NELL1: variants seen among roughly 807,000 people sequenced by gnomAD.
NELL1 encodes protein kinase C-binding protein NELL1.
A neutral mutation model predicts 107.4 loss-of-function variants in NELL1; 76 were observed. The ratio of observed to expected loss-of-function variants is 0.71; its 90% CI spans 0.59 to 0.86. The LOEUF (loss-of-function observed/expected upper bound fraction) is 0.86, where lower values mean the gene tolerates loss of function less well. Ranked by LOEUF, NELL1 falls within the 40% of genes least tolerant of loss-of-function variation. The pLI, the probability that NELL1 is intolerant of heterozygous loss-of-function variation, is 0.00. For synonymous variants in NELL1, 353 were observed against 341.2 expected, an observed-to-expected ratio of 1.03 and a Z score of -0.38; for missense variants, 1,024 against 1,005.5, an observed-to-expected ratio of 1.02 and a Z score of -0.25.
At chr11:21,300,964 C>T (rs993894001) in intron 14 of NELL1, among the ~76,000 whole-genome samples, 1 of 152,046 alleles carries the variant, frequency 6.6e-6, no homozygotes, top group Non-Finnish European at 1.5e-5. Context: ...TCTCATTGTT[C>T]AATTCCCACC....
At chr11:21,361,693 TC>T (rs1851079941) in intron 14 of NELL1, among the ~76,000 whole-genome samples, 1 of 152,144 alleles carries the variant, frequency 6.6e-6, no homozygotes, top group Non-Finnish European at 1.5e-5. Context: ...TATTCTTTTT[TC>T]TTTGTCTTTG....
chr11:20,919,326 A>G lies in NELL1; in HGVS notation c.751A>G (p.Thr251Ala), dbSNP rs1472536276. ...TTTACAAGAGCTTTTGGCCAAGATG[A>G]CTGCAAAAGTAGGTATCTAAATTTC... is the stretch of plus-strand genomic sequence containing the variant. ...MDLQELLAKM[T>A]AKLNYAETRL... The change falls in exon 7 of 20, where the codon ACT becomes GCT. Residue 251 changes from threonine to alanine, a missense_variant. Physicochemically the swap from Thr to Ala is moderately conservative, Grantham distance 58. Transcript: ENST00000357134. 1.9e-6 allele frequency: 3 copies of G among 1,584,576 alleles called. No individual in the cohort carries two copies. The African/African-American group carries it at 4.1e-5, about 21-fold the overall frequency.
intron 13 of NELL1, among the ~76,000 whole-genome samples, chr11:21,172,156 G>A (rs1219952075): frequency 6.6e-6 from 1 of 151,822 alleles, no homozygotes; most frequent in Non-Finnish European, 1.5e-5. Flanking sequence ...ACGCCACAGG[G>A]TCATTAACAT....
At chr11:21,531,404 T>C (rs1564944426) in intron 15 of NELL1, among the ~76,000 whole-genome samples, 1 of 152,212 alleles carries the variant, frequency 6.6e-6, no homozygotes, top group Non-Finnish European at 1.5e-5. Context: ...TAGTTCTAGC[T>C]AGTTTTGAAC....
At chr11:21,198,175 T>C (rs923886430) in intron 13 of NELL1, among the ~76,000 whole-genome samples, 1 of 152,204 alleles carries the variant, frequency 6.6e-6, no homozygotes, top group African/African-American at 2.4e-5. Context: ...ACTAGAGCAC[T>C]CCATGTGCCT....
intron 14 of NELL1, among the ~76,000 whole-genome samples, chr11:21,358,643 C>T (rs1036634941): frequency 2.0e-5 from 3 of 146,790 alleles, no homozygotes; most frequent in Admixed American, 7.1e-5. Context: ...TCTTGAACTC[C>T]TGACCTCGGG....
At chr11:20,920,178 T>C (rs1850346859) in intron 7 of NELL1, among the ~76,000 whole-genome samples, 1 of 151,954 alleles carries the variant, frequency 6.6e-6, no homozygotes, top group Admixed American at 6.6e-5. Flanking sequence ...AGTTCCAGCC[T>C]AGGGCGAAGA....
chr11:21,129,324 G>A (rs2133754646), intron 13 of NELL1, among the ~76,000 whole-genome samples: 1 of 152,010 alleles, frequency 6.6e-6, no homozygotes, highest in South Asian at 2.1e-4. Flanking sequence ...TAGCCACCAT[G>A]GAAAATAGTT....
At chr11:21,403,674 A>G (rs762375375) in intron 15 of NELL1, among the ~76,000 whole-genome samples, 2 of 151,862 alleles carry the variant, frequency 1.3e-5, no homozygotes, top group Non-Finnish European at 2.9e-5. Context: ...GCAGTAATAG[A>G]TAATTCTGTA....
intron 13 of NELL1, 64 bp downstream of exon 13, chr11:21,113,778 T>C: frequency 1.3e-6 from 2 of 1,529,008 alleles, no homozygotes; most frequent in South Asian, 1.2e-5. Context: ...GTCTGTGTTA[T>C]TATGTTTAAT....
intron 15 of NELL1, among the ~76,000 whole-genome samples, chr11:21,374,539 C>T (rs11026052): frequency 0.36 from 54,960 of 151,720 alleles, 10,386 homozygotes; most frequent in Admixed American, 0.51. Context: ...ACGTTGGCCA[C>T]GTTCTGTTCC....
chr11:21,312,728 A>G (rs1356728887), intron 14 of NELL1, among the ~76,000 whole-genome samples: 2 of 152,134 alleles, frequency 1.3e-5, no homozygotes, highest in East Asian at 3.9e-4. Flanking sequence ...AACTACACAT[A>G]CCTTTGCATG....
chr11:21,281,550 G>C (rs1199454209), intron 14 of NELL1, among the ~76,000 whole-genome samples: 4 of 152,138 alleles, frequency 2.6e-5, no homozygotes, highest in Non-Finnish European at 5.9e-5. Context: ...CCAGGGCCTT[G>C]AGTGAACTTA....
intron 2 of NELL1, among the ~76,000 whole-genome samples, chr11:20,752,466 T>C (rs1370052325): frequency 6.6e-6 from 1 of 152,174 alleles, no homozygotes; most frequent in African/African-American, 2.4e-5. Context: ...GGAGAATCAC[T>C]TGAACCCAGG....
intron 14 of NELL1, among the ~76,000 whole-genome samples, chr11:21,290,960 C>T (rs1849244942): frequency 6.6e-6 from 1 of 151,876 alleles, no homozygotes; most frequent in Non-Finnish European, 1.5e-5. Context: ...AGCTCCTCTC[C>T]AGTAAGGGAA....
At chr11:21,210,732 G>C (rs1424666687) in intron 13 of NELL1, among the ~76,000 whole-genome samples, 1 of 152,006 alleles carries the variant, frequency 6.6e-6, no homozygotes, top group African/African-American at 2.4e-5. Flanking sequence ...CTGAAGCCTC[G>C]GTATTATTTT....
chr11:21,376,550 A>C (rs1276249411), intron 15 of NELL1, among the ~76,000 whole-genome samples: 1 of 152,008 alleles, frequency 6.6e-6, no homozygotes, highest in East Asian at 1.9e-4. Context: ...TCGGTTCCAA[A>C]TGAATTTTAG....
At chr11:20,915,717 A>ATATATATATATATATATATATATATAT in intron 5 of NELL1, among the ~76,000 whole-genome samples, 5 of 58,218 alleles carry the variant, frequency 8.6e-5, no homozygotes, top group South Asian at 5.9e-4. Context: ...ATATATATAT[A>ATATATATATATATATATATATATATAT]TTTTTTTTTT....
chr11:20,957,338 C>T (rs1461977292), intron 11 of NELL1, among the ~76,000 whole-genome samples: 2 of 152,162 alleles, frequency 1.3e-5, no homozygotes, highest in Admixed American at 1.3e-4. Context: ...TGTGGCTCAA[C>T]CTTCAAGCAC....
Sources: allele counts gnomAD v4.1 joint callset (sites outside exome capture counted in the v4.1 genomes callset), GRCh38; gene constraint gnomAD v4.1.1; transcripts MANE v1.5; gene names NCBI Gene and HGNC (gene_info 2026-07-23, HGNC 2026-07-21).